RYR2: variants seen among roughly 807,000 people sequenced by gnomAD.
The protein encoded by RYR2 is ryanodine receptor 2, also known as cardiac muscle ryanodine receptor-calcium release channel.
A neutral mutation model predicts 601.1 loss-of-function variants in RYR2; 227 were observed. That is an observed-to-expected ratio of 0.38 (90% CI 0.34 to 0.42). The LOEUF is 0.42. Among genes scored for constraint, RYR2 ranks in the 10% least tolerant of loss-of-function variants. RYR2 has a pLI of 1.00. For missense variants in RYR2, 4,646 were observed against 6,156.5 expected (o/e 0.75, Z 8.21); for synonymous variants, 2,223 against 2,175.1 (o/e 1.02, Z -0.61).
At chr1:237,241,350 G>A (rs556239724) in intron 1 of RYR2, among the ~76,000 whole-genome samples, 11 of 152,280 alleles carry the variant, frequency 7.2e-5, no homozygotes, top group Non-Finnish European at 1.3e-4. Flanking sequence ...GGAAGCCAAT[G>A]GGCAACAGTT....
At position 237,640,017 on chromosome 1, in the gene RYR2, C is replaced by CCACA. The variant is rs10650519; in HGVS notation, c.7115+828_7115+831dup. Reference sequence around the variant, plus strand: ...CTAGAGCAAGAATGAGCACTCCCCACCACACACACACACACCATGCTACAT... The same window carrying CCACA: ...CTAGAGCAAGAATGAGCACTCCCCACCACACACACACACACACACCATGCTACAT... On this transcript the variant is annotated intron_variant, in intron 46 of 104. Coordinates refer to ENST00000366574, the MANE Select transcript of RYR2 (RefSeq NM_001035.3). Among the ~76,000 whole-genome samples, 993 of 151,038 alleles carry CCACA rather than the reference C, an allele frequency of 6.6e-3. 3 individuals are homozygous for CCACA. Among genetic ancestry groups the CCACA allele is most frequent in the East Asian group, 0.023 (116 of 5,096 alleles).
In RYR2 at chr1:237,809,141, A is replaced by C. The variant is rs956959415; in HGVS notation, c.14433+106A>C. 7 of 1,063,602 alleles carry C rather than the reference A, an allele frequency of 6.6e-6. No homozygotes were observed. The African/African-American group carries it at 8.0e-5, about 12-fold the overall frequency. 65.9% of individuals were successfully genotyped at this position (1,063,602 alleles called of 1,614,324 possible). ...AACAGTACAAAATAGAAAATAGTCT[A>C]AACAAATAAAAAGTTGCAGGGCTGT... On this transcript the variant is annotated intron_variant, in intron 100 of 104. Coordinates refer to ENST00000366574, the MANE Select transcript of RYR2 (RefSeq NM_001035.3).
At chr1:237,141,290 T>C (rs1342089022) in intron 1 of RYR2, among the ~76,000 whole-genome samples, 1 of 152,228 alleles carries the variant, frequency 6.6e-6, no homozygotes, top group African/African-American at 2.4e-5. Context: ...TGCTGTAGGA[T>C]TTTGGTAGAA....
chr1:237,805,041 C>T (rs1400635556), intron 98 of RYR2, among the ~76,000 whole-genome samples: 4 of 152,072 alleles, frequency 2.6e-5, no homozygotes, highest in Admixed American at 2.6e-4. Flanking sequence ...GCCATCCCAC[C>T]ATGCACAGAA....
chr1:237,828,106 T>C (rs185727134), intron 101 of RYR2, among the ~76,000 whole-genome samples: 1 of 152,336 alleles, frequency 6.6e-6, no homozygotes, highest in Non-Finnish European at 1.5e-5. Flanking sequence ...AACATCTGTA[T>C]ATGCCAAGTT....
At chr1:237,685,445 G>C (rs1400775914) in intron 62 of RYR2, among the ~76,000 whole-genome samples, 1 of 152,152 alleles carries the variant, frequency 6.6e-6, no homozygotes, top group African/African-American at 2.4e-5. Flanking sequence ...GAGACATAGA[G>C]CAGTCTGCCA....
At chr1:237,615,940 G>A (rs1678414050) in intron 37 of RYR2, among the ~76,000 whole-genome samples, 1 of 152,138 alleles carries the variant, frequency 6.6e-6, no homozygotes. Context: ...AACAAGGCAG[G>A]GTGTTCTAGG....
Position 237,723,109 on chromosome 1 carries a change from CT to C in RYR2, c.10555-15del. The C allele has an allele frequency of 1.3e-6, 2 of 1,597,014 alleles. No individual in the cohort carries two copies. The highest frequency in any genetic ancestry group is 8.5e-7 in the Non-Finnish European group (1 of 1,173,392). On this transcript the variant is annotated intron_variant, in intron 73 of 104. Transcript: ENST00000366574. ...TAGATTCCCATCTTCCCATTGTAAC[CT>C]TTTCCTTTTTTCTGCAGTTGGAGGA... is the stretch of plus-strand genomic sequence containing the variant.
In RYR2 at chr1:237,767,252, T is replaced by C. The variant is rs1250047824; in HGVS notation, c.11477-3555T>C. Among the ~76,000 whole-genome samples, 3 of 152,200 alleles carry C rather than the reference T, an allele frequency of 2.0e-5. No individual in the cohort carries two copies. The East Asian group carries it at 5.8e-4, about 29-fold the overall frequency. ...AATTATTTAAATAACATATAGTATA[T>C]GTAATGATAATCAGTCAAAGATTTT... On this transcript the variant is annotated intron_variant, in intron 84 of 104. Coordinates refer to ENST00000366574, the MANE Select transcript of RYR2 (RefSeq NM_001035.3).
At chr1:237,457,713 C>T (rs189904429) in intron 16 of RYR2, among the ~76,000 whole-genome samples, 1 of 152,280 alleles carries the variant, frequency 6.6e-6, no homozygotes, top group East Asian at 1.9e-4. Flanking sequence ...TGCATGGCCT[C>T]TTGCTGCAAA....
chr1:237,368,793 A>G lies in RYR2; in HGVS notation c.310-741A>G, dbSNP rs374228207. The stretch of plus-strand genomic sequence containing the variant: ...TGTTCTAGGAATACTCATTCGTTGA[A>G]TCAACGTTTATTTATTTATTTATTT... On this transcript the variant is annotated intron_variant, in intron 5 of 104. Coordinates refer to ENST00000366574, the MANE Select transcript of RYR2 (RefSeq NM_001035.3). Among the ~76,000 whole-genome samples, 370 of 147,902 alleles carry G rather than the reference A, an allele frequency of 2.5e-3. 2 individuals are homozygous for G. Among genetic ancestry groups the G allele is most frequent in the African/African-American group, 9.0e-3 (359 of 40,042 alleles).
intron 3 of RYR2, among the ~76,000 whole-genome samples, chr1:237,339,892 T>G (rs1697604252): frequency 6.6e-6 from 1 of 152,282 alleles, no homozygotes; most frequent in Admixed American, 6.5e-5. Context: ...ATTTCCCTCA[T>G]ACCCATTGTC....
At chr1:237,133,962 G>A (rs1456933906) in intron 1 of RYR2, among the ~76,000 whole-genome samples, 1 of 147,036 alleles carries the variant, frequency 6.8e-6, no homozygotes, top group African/African-American at 2.5e-5. Context: ...TCATCCCTTA[G>A]TTAGGAAAGG....
chr1:237,044,090 CG>C (rs1356811776), intron 1 of RYR2, among the ~76,000 whole-genome samples: 5 of 152,216 alleles, frequency 3.3e-5, no homozygotes, highest in Non-Finnish European at 7.4e-5. Flanking sequence ...GGCCCAAGAC[CG>C]GGCTTGGAAG....
At chr1:237,137,424 C>T (rs1672915378) in intron 1 of RYR2, among the ~76,000 whole-genome samples, 1 of 152,148 alleles carries the variant, frequency 6.6e-6, no homozygotes, top group Non-Finnish European at 1.5e-5. Flanking sequence ...TGTGAGATAT[C>T]CTTTCCTCAA....
At chr1:237,641,468 T>TC (rs1476964617) in intron 47 of RYR2, among the ~76,000 whole-genome samples, 1 of 18,674 alleles carries the variant, frequency 5.4e-5, no homozygotes, top group African/African-American at 1.4e-4. Context: ...TTAGTGTCTG[T>TC]CTGTCTTTCT....
intron 37 of RYR2, among the ~76,000 whole-genome samples, chr1:237,616,301 G>A (rs955665103): frequency 6.6e-6 from 1 of 152,102 alleles, no homozygotes; most frequent in Admixed American, 6.5e-5. Flanking sequence ...ATTTGGCAGA[G>A]CATTCTCTCT....
chr1:237,104,021 G>A (rs1216112927), intron 1 of RYR2, among the ~76,000 whole-genome samples: 1 of 151,692 alleles, frequency 6.6e-6, no homozygotes, highest in Non-Finnish European at 1.5e-5. Flanking sequence ...AGTTCCTCAC[G>A]TGATATTTAG....
intron 3 of RYR2, among the ~76,000 whole-genome samples, chr1:237,353,057 G>T (rs970976571): frequency 2.0e-5 from 3 of 152,206 alleles, no homozygotes; most frequent in East Asian, 1.9e-4. Flanking sequence ...TATGTCATTT[G>T]TTTTCTAGTA....
Sources: allele counts gnomAD v4.1 joint callset (sites outside exome capture counted in the v4.1 genomes callset), GRCh38; gene constraint gnomAD v4.1.1; transcripts MANE v1.5; gene names NCBI Gene and HGNC (gene_info 2026-07-23, HGNC 2026-07-21).